PPP1R1C: variants seen among roughly 807,000 people sequenced by gnomAD.
The protein encoded by PPP1R1C is protein phosphatase 1 regulatory inhibitor subunit 1C.
PPP1R1C carries 15 observed loss-of-function variants against 17.4 expected under a neutral mutation model. That is an observed-to-expected ratio of 0.86 (90% CI 0.58 to 1.33). The LOEUF is 1.33. PPP1R1C is among the 40% of genes most tolerant of loss of function. The probability of loss-of-function intolerance (pLI) is 0.00; values close to 1 mark genes in which losing one functional copy is unlikely to be tolerated. For missense variants in PPP1R1C, 143 were observed against 130.0 expected (o/e 1.10, Z -0.48); for synonymous variants, 35 against 43.1 (o/e 0.81, Z 0.73).
intron 2 of PPP1R1C, among the ~76,000 whole-genome samples, chr2:181,990,746 C>A (rs1397366100): frequency 6.6e-6 from 1 of 152,154 alleles, no homozygotes. Context: ...AACAACAAAA[C>A]AAATAAGAGT....
chr2:182,076,788 C>T (rs1688325951), intron 4 of PPP1R1C, among the ~76,000 whole-genome samples: 1 of 152,112 alleles, frequency 6.6e-6, no homozygotes, highest in African/African-American at 2.4e-5. Flanking sequence ...AATTTTTCTA[C>T]TATTAACAAA....
intron 2 of PPP1R1C, among the ~76,000 whole-genome samples, chr2:182,057,357 A>G (rs748043686): frequency 1.1e-4 from 16 of 152,116 alleles, no homozygotes; most frequent in Non-Finnish European, 2.1e-4. Context: ...TGAGCATAGG[A>G]GAGACATGAA....
intron 1 of PPP1R1C, among the ~76,000 whole-genome samples, chr2:181,966,961 T>C (rs1684916096): frequency 6.6e-6 from 1 of 152,186 alleles, no homozygotes; most frequent in Non-Finnish European, 1.5e-5. Context: ...ACTGGGAGAC[T>C]TTTTATTATA....
At chr2:182,090,207 G>A (rs530986430) in intron 4 of PPP1R1C, among the ~76,000 whole-genome samples, 13 of 152,002 alleles carry the variant, frequency 8.6e-5, no homozygotes, top group South Asian at 4.2e-4. Context: ...TTGGGCAGCC[G>A]TTTGGAACTA....
At chr2:181,960,884 T>A (rs1278125948) in intron 1 of PPP1R1C, among the ~76,000 whole-genome samples, 2 of 152,346 alleles carry the variant, frequency 1.3e-5, no homozygotes, top group African/African-American at 2.4e-5. Context: ...TCTGTGCCCG[T>A]ATGAATTACA....
At position 182,065,241 on chromosome 2, in the gene PPP1R1C, G is replaced by T. The variant is rs1301696720; in HGVS notation, c.241+1450G>T. 4.6e-5 allele frequency among the ~76,000 whole-genome samples: 7 copies of T among 151,986 alleles called. No individual in the cohort carries two copies. The South Asian group carries it at 1.0e-3, about 22-fold the overall frequency. On this transcript the variant is annotated intron_variant, in intron 4 of 4. Coordinates refer to ENST00000682840, the MANE Select transcript of PPP1R1C (RefSeq NM_001080545.3). The stretch of plus-strand genomic sequence containing the variant: ...GTAATTGTTTCAAGAGGATATCAGG[G>T]TATTACTACAAGTCACATAGGTTCT...
At chr2:182,094,104 G>C (rs187848084) in intron 4 of PPP1R1C, among the ~76,000 whole-genome samples, 1 of 152,234 alleles carries the variant, frequency 6.6e-6, no homozygotes, top group Admixed American at 6.5e-5. Context: ...GTCATTATTG[G>C]ACTTACAGTT....
intron 4 of PPP1R1C, among the ~76,000 whole-genome samples, chr2:182,110,683 T>G (rs1689390944): frequency 6.6e-6 from 1 of 152,174 alleles, no homozygotes; most frequent in Non-Finnish European, 1.5e-5. Flanking sequence ...ACTCTCCTTT[T>G]GTTATTTTAT....
At chr2:182,041,609 C>CAAAAA (rs71405472) in intron 2 of PPP1R1C, among the ~76,000 whole-genome samples, 15 of 58,444 alleles carry the variant, frequency 2.6e-4, no homozygotes, top group African/African-American at 6.2e-4. Context: ...GACTCTGTCT[C>CAAAAA]AAAAAAAAAA....
intron 4 of PPP1R1C, among the ~76,000 whole-genome samples, chr2:182,076,584 G>C (rs192647097): frequency 6.6e-6 from 1 of 151,890 alleles, no homozygotes; most frequent in Non-Finnish European, 1.5e-5. Context: ...AAGTCCTGAT[G>C]GTTAATGAAG....
downstream of PPP1R1C, among the ~76,000 whole-genome samples, chr2:182,119,912 T>G (rs1179113760): frequency 1.3e-5 from 2 of 152,228 alleles, no homozygotes; most frequent in Admixed American, 6.5e-5. Flanking sequence ...TTAGTTTAAT[T>G]AGATCCCATT....
At chr2:182,123,454 T>C (rs1273925185) in intron 5 of PPP1R1C, among the ~76,000 whole-genome samples, 2 of 152,214 alleles carry the variant, frequency 1.3e-5, no homozygotes, top group East Asian at 1.9e-4. Flanking sequence ...GTTGAACTAG[T>C]TTACACTCCC....
intron 2 of PPP1R1C, among the ~76,000 whole-genome samples, chr2:182,056,208 G>T (rs1307569023): frequency 6.6e-6 from 1 of 152,178 alleles, no homozygotes; most frequent in African/African-American, 2.4e-5. Flanking sequence ...CTTCCAGGCA[G>T]CAAGTCTGGC....
intron 2 of PPP1R1C, among the ~76,000 whole-genome samples, chr2:182,032,947 G>A (rs1686890649): frequency 1.3e-5 from 2 of 152,130 alleles, no homozygotes. Context: ...AACTTCTTGA[G>A]AGAGTTGTTG....
chr2:182,052,249 A>G (rs1414193589), intron 2 of PPP1R1C, among the ~76,000 whole-genome samples: 1 of 152,074 alleles, frequency 6.6e-6, no homozygotes, highest in African/African-American at 2.4e-5. Context: ...GTTTTAAGGG[A>G]TGGGATAAAA....
downstream of PPP1R1C, among the ~76,000 whole-genome samples, chr2:182,121,625 C>G (rs1270225637): frequency 6.6e-6 from 1 of 151,964 alleles, no homozygotes; most frequent in Admixed American, 6.6e-5. Flanking sequence ...GTAGCTGGGA[C>G]TGCAGGTGCC....
intron 2 of PPP1R1C, among the ~76,000 whole-genome samples, chr2:182,040,263 C>G (rs1297843730): frequency 6.6e-6 from 1 of 152,146 alleles, no homozygotes; most frequent in Non-Finnish European, 1.5e-5. Flanking sequence ...AGTTTACATC[C>G]CCACCAGCAG....
chr2:182,068,559 GGCGTGTGAAGTTT>G (rs1688056773), intron 4 of PPP1R1C, among the ~76,000 whole-genome samples: 1 of 152,104 alleles, frequency 6.6e-6, no homozygotes, highest in Non-Finnish European at 1.5e-5. Flanking sequence ...GCCTCAGGTC[GGCGTGTGAAGTTT>G]ATCTTCAACA....
intron 2 of PPP1R1C, among the ~76,000 whole-genome samples, chr2:182,057,968 T>C (rs1357565175): frequency 2.6e-5 from 4 of 152,156 alleles, no homozygotes; most frequent in Non-Finnish European, 4.4e-5. Flanking sequence ...ACGGAAAAAT[T>C]GAACGAAGGG....
Sources: gnomAD v4.1 joint callset for allele counts (sites outside exome capture counted in the v4.1 genomes callset) on GRCh38, gnomAD v4.1.1 for gene constraint, MANE v1.5 for transcripts, NCBI Gene and HGNC (gene_info 2026-07-23, HGNC 2026-07-21) for gene names.